Variants in DSC1 observed in about 807,000 individuals in gnomAD.
DSC1 encodes the protein desmocollin-1.
DSC1 carries 79 observed loss-of-function variants against 98.8 expected under a neutral mutation model. The ratio of observed to expected loss-of-function variants is 0.80; its 90% CI spans 0.67 to 0.96. The LOEUF is 0.96. Among genes scored for constraint, DSC1 ranks in the 50% least tolerant of loss-of-function variants. The pLI is 0.00. For missense variants in DSC1, 1,115 were observed against 1,075.9 expected, an observed-to-expected ratio of 1.04 and a Z score of -0.51; for synonymous variants, 405 against 372.1, an observed-to-expected ratio of 1.09 and a Z score of -1.02.
In DSC1 at chr18:31,154,928, A is replaced by T. The variant is rs775180449; in HGVS notation, c.473T>A (p.Ile158Asn). 1 of 1,612,326 alleles carries T rather than the reference A, an allele frequency of 6.2e-7. No individual in the cohort carries two copies. The highest frequency in any genetic ancestry group is 2.2e-5 in the East Asian group (1 of 44,806). Residue 158 changes from isoleucine to asparagine, a missense_variant and splice_region_variant, in exon 5 of 16, where the codon ATC becomes AAC. By Grantham distance (149) the Ile-to-Asn change is moderately radical (BLOSUM62 -3). Transcript: ENST00000257198. ...GTAATTCTGTGCAGCATCAGATTGG[A>T]TCTGCAGTAATAATTTAGGAATAGA... Reference protein sequence around the residue: ...LGPFPQHVQQIQSDAAQNYTI... With the variant: ...LGPFPQHVQQNQSDAAQNYTI...
At position 31,133,981 on chromosome 18, in the gene DSC1, T is replaced by C; in HGVS notation, c.2026A>G (p.Lys676Glu). The C allele has an allele frequency of 6.2e-7, 1 of 1,613,458 alleles. No homozygotes were observed. The highest frequency in any genetic ancestry group is 8.5e-7 in the Non-Finnish European group (1 of 1,179,656). ...DCSTPSECRMKDKSTRDVRPN... is the reference protein window; with the variant it reads ...DCSTPSECRMEDKSTRDVRPN... ...CTAACGTCTCTTGTACTTTTATCCT[T>C]CATTCTACACTCAGATGGAGTTGAA... The change falls in exon 13 of 16, where the codon AAG (lysine) becomes GAG (glutamate). Residue 676 changes from lysine to glutamate, a missense_variant. Transcript: ENST00000257198.
intron 6 of DSC1, among the ~76,000 whole-genome samples, chr18:31,146,160 T>A (rs965481663): frequency 8.6e-5 from 13 of 151,922 alleles, no homozygotes; most frequent in Non-Finnish European, 1.9e-4. Flanking sequence ...GATACCGAGG[T>A]TTGGGCTTCT....
intron 5 of DSC1, 84 bp downstream of exon 5, chr18:31,154,690 A>T: frequency 1.7e-6 from 2 of 1,181,374 alleles, no homozygotes; most frequent in Non-Finnish European, 2.3e-6. Context: ...ATTGATTCTT[A>T]TAATATGTAA....
rs1432527895 is a variant in DSC1 at position 31,162,737 on chromosome 18, C to T, written c.-143G>A. 21 of 669,650 alleles carry T rather than the reference C, an allele frequency of 3.1e-5. No individual in the cohort carries two copies. Among genetic ancestry groups the T allele is most frequent in the Admixed American group, 1.6e-4 (6 of 38,464 alleles). 41.5% of individuals were successfully genotyped at this position (669,650 alleles called of 1,614,324 possible). Reference sequence around the variant, plus strand: ...GCTGAGCTTGGTTTGGAAGACAGTCCGGAGGCAAGTGATAAACAGTAGGAG... The same window carrying T: ...GCTGAGCTTGGTTTGGAAGACAGTCTGGAGGCAAGTGATAAACAGTAGGAG... On this transcript the variant is annotated 5_prime_UTR_variant, in exon 1 of 16. Transcript: ENST00000257198.
At chr18:31,146,954 A>G (rs942637083) in intron 6 of DSC1, among the ~76,000 whole-genome samples, 2 of 152,218 alleles carry the variant, frequency 1.3e-5, no homozygotes, top group African/African-American at 4.8e-5. Context: ...TAGTCCAGAC[A>G]TGAGAGTATT....
In DSC1 at chr18:31,140,135, T is replaced by C. The variant is rs116159835; in HGVS notation, c.1427A>G (p.Lys476Arg). ...GAAGCCATCTTGACTCTGAATAACT[T>C]TCACTGGAGGGTGGCATTCAGGGCC... ...DEGPECHPPV[K>R]VIQSQDGFPA... The change falls in exon 10 of 16, where the codon AAA becomes AGA. Residue 476 changes from lysine to arginine, a missense_variant. Physicochemically the swap from Lys to Arg is conservative, Grantham distance 26 (BLOSUM62 2). Transcript: ENST00000257198. The C allele has an allele frequency of 1.6e-4, 255 of 1,614,010 alleles. No individual in the cohort carries two copies. In the African/African-American group the frequency reaches 3.1e-3, roughly 20 times the overall value.
chr18:31,145,572 T>C (rs1393880684), intron 7 of DSC1, 39 bp downstream of exon 7: 1 of 1,607,360 alleles, frequency 6.2e-7, no homozygotes, highest in Admixed American at 1.7e-5. Context: ...TCAGTTTAAA[T>C]GTAGTTCAAT....
chr18:31,131,935 T>TATG, intron 14 of DSC1, 93 bp from the exon 15 acceptor site: 1 of 1,404,140 alleles, frequency 7.1e-7, no homozygotes, highest in Non-Finnish European at 9.7e-7. Flanking sequence ...ATCACTTGCC[T>TATG]GCTGTGCCTC....
At chr18:31,160,466 G>A (rs189887402) in intron 1 of DSC1, among the ~76,000 whole-genome samples, 1 of 152,232 alleles carries the variant, frequency 6.6e-6, no homozygotes, top group Non-Finnish European at 1.5e-5. Context: ...GAAAGAGAAT[G>A]GATTAACATC....
intron 9 of DSC1, 48 bp downstream of exon 9, chr18:31,141,951 G>T: frequency 6.5e-7 from 1 of 1,533,756 alleles, no homozygotes; most frequent in South Asian, 1.3e-5. Context: ...AAATCAGTGC[G>T]TGAGTTAGGA....
At chr18:31,141,019 G>C (rs1257110150) in intron 9 of DSC1, among the ~76,000 whole-genome samples, 1 of 152,102 alleles carries the variant, frequency 6.6e-6, no homozygotes, top group Admixed American at 6.6e-5. Flanking sequence ...TTCTTCTCTT[G>C]CTGCCACCAT....
chr18:31,132,326 C>T lies in DSC1; in HGVS notation c.2238+242G>A, dbSNP rs140540897. ...CTGCCAACACCTTGATCTCTGATTT[C>T]TAGTCTCCAGATCTGTGAAACAATA... On this transcript the variant is annotated intron_variant, in intron 14 of 15. Transcript: ENST00000257198. The T allele has an allele frequency of 2.3e-3, 960 of 415,582 alleles. 8 individuals carry two copies. The highest frequency in any genetic ancestry group is 6.9e-3 in the South Asian group (210 of 30,284). 25.7% of individuals were successfully genotyped at this position (415,582 alleles called of 1,614,324 possible). A position where few individuals can be genotyped will look rare whatever the true frequency, so the allele number is the denominator to read the frequency against.
chr18:31,137,704 GAGA>G (rs894152372), intron 11 of DSC1, among the ~76,000 whole-genome samples: 2 of 152,146 alleles, frequency 1.3e-5, no homozygotes, highest in Admixed American at 1.3e-4. Flanking sequence ...AAGGTATTTA[GAGA>G]AGAACTGAAT....
chr18:31,145,940 G>A (rs1429677460), intron 6 of DSC1, among the ~76,000 whole-genome samples, 163 bp from the exon 7 acceptor site: 5 of 152,152 alleles, frequency 3.3e-5, no homozygotes. Context: ...ATGTCTCCAA[G>A]CCTCCCTTAC....
At chr18:31,159,046 G>GTTTTTTTTTTTTTT (rs1174794772) in intron 2 of DSC1, among the ~76,000 whole-genome samples, 1 of 64,208 alleles carries the variant, frequency 1.6e-5, no homozygotes, top group Non-Finnish European at 2.8e-5. Flanking sequence ...GCTACTATGT[G>GTTTTTTTTTTTTTT]GTTTTTTTTT....
rs763634979 is a variant in DSC1 at position 31,134,567 on chromosome 18, C to T, written c.1876+5G>A. The T allele has an allele frequency of 2.5e-6, 4 of 1,601,642 alleles. No homozygotes were observed. In the South Asian group the frequency reaches 4.5e-5, roughly 18 times the overall value. The stretch of plus-strand genomic sequence containing the variant: ...TTGACTATAAAATTTAGCATGATTA[C>T]ATACCATCCTTTTCTTCTATGTTCC... On this transcript the variant is annotated splice_donor_5th_base_variant and intron_variant, in intron 12 of 15. Transcript: ENST00000257198.
chr18:31,151,593 A>G (rs999080149), intron 5 of DSC1, among the ~76,000 whole-genome samples: 3 of 152,206 alleles, frequency 2.0e-5, no homozygotes, highest in African/African-American at 7.2e-5. Context: ...TTATTGTGAT[A>G]TAGTTTCCTC....
intron 5 of DSC1, among the ~76,000 whole-genome samples, chr18:31,149,105 C>T (rs965891137): frequency 6.6e-6 from 1 of 152,044 alleles, no homozygotes; most frequent in Non-Finnish European, 1.5e-5. Flanking sequence ...GCATGTATTT[C>T]TTTGCAATAA....
rs1989231198 is a variant in DSC1 at position 31,162,609 on chromosome 18, A to G, written c.-15T>C. On this transcript the variant is annotated 5_prime_UTR_variant, in exon 1 of 16. Transcript: ENST00000257198. ...GCCAGAGCCATCAGAAGCAGTCCCA[A>G]TGGCCAGGGACGGTGGCCAGATAAC... 4 of 1,613,860 alleles carry G rather than the reference A, an allele frequency of 2.5e-6. No homozygotes were observed. The highest frequency in any genetic ancestry group is 2.2e-5 in the South Asian group (2 of 91,074).
Sources: gnomAD v4.1 joint callset for allele counts (sites outside exome capture counted in the v4.1 genomes callset) on GRCh38, gnomAD v4.1.1 for gene constraint, MANE v1.5 for transcripts, NCBI Gene and HGNC (gene_info 2026-07-23, HGNC 2026-07-21) for gene names.